CFAP54: variants seen among roughly 807,000 people sequenced by gnomAD.
CFAP54 encodes the protein cilia and flagella associated protein 54.
In CFAP54, 290 loss-of-function variants were observed where a neutral mutation model predicts 370.4. The observed-to-expected ratio is 0.78, with a 90% CI of 0.71 to 0.86. CFAP54 has a LOEUF of 0.86. Among genes scored for constraint, CFAP54 ranks in the 40% least tolerant of loss-of-function variants. The pLI is 0.00. For missense variants in CFAP54, 3,399 were observed against 3,528.7 expected (o/e 0.96, Z 0.93); for synonymous variants, 1,206 against 1,236.5 (o/e 0.98, Z 0.52).
At chr12:96,533,491 A>G (rs1346911307) in intron 9 of CFAP54, among the ~76,000 whole-genome samples, 2 of 152,140 alleles carry the variant, frequency 1.3e-5, no homozygotes, top group African/African-American at 4.8e-5. Context: ...CTCTTTCCCA[A>G]GTTTCCAACC....
intron 60 of CFAP54, among the ~76,000 whole-genome samples, chr12:96,771,136 A>G (rs1350882759): frequency 2.6e-5 from 4 of 152,206 alleles, no homozygotes; most frequent in African/African-American, 2.4e-5. Context: ...TGAGGACTTC[A>G]CTGGAGAGGA....
chr12:96,796,544 A>G (rs902267807), intron 63 of CFAP54, among the ~76,000 whole-genome samples: 1 of 152,200 alleles, frequency 6.6e-6, no homozygotes. Flanking sequence ...TCTTTAAGCA[A>G]TAGTACTAGT....
chr12:96,851,241 CTT>C (rs139046028), intron 66 of CFAP54, among the ~76,000 whole-genome samples: 2,311 of 152,178 alleles, frequency 0.015, 73 homozygotes, highest in African/African-American at 0.053. Flanking sequence ...TTTCACCTAA[CTT>C]AACATTTTAA....
intron 59 of CFAP54, 93 bp from the exon 60 acceptor site, chr12:96,764,984 T>G (rs1432644459): frequency 2.2e-5 from 22 of 979,850 alleles, no homozygotes; most frequent in Non-Finnish European, 3.0e-5. Flanking sequence ...AATATTATTT[T>G]ATGAATTCAC....
intron 19 of CFAP54, among the ~76,000 whole-genome samples, chr12:96,569,523 C>T (rs1016213664): frequency 5.3e-5 from 8 of 152,190 alleles, no homozygotes; most frequent in Non-Finnish European, 1.2e-4. Context: ...GACCCTCCTT[C>T]CTCTCTGGGG....
At chr12:96,742,166 C>G (rs989392630) in intron 51 of CFAP54, among the ~76,000 whole-genome samples, 1 of 152,152 alleles carries the variant, frequency 6.6e-6, no homozygotes, top group African/African-American at 2.4e-5. Context: ...GAAATTCACA[C>G]TGCAAAACTA....
intron 55 of CFAP54, among the ~76,000 whole-genome samples, chr12:96,744,860 C>T (rs182573846): frequency 6.6e-6 from 1 of 152,104 alleles, no homozygotes; most frequent in Non-Finnish European, 1.5e-5. Context: ...TGCTCTACCC[C>T]CCAGTAGGTC....
chr12:96,651,949 A>C, intron 36 of CFAP54, 134 bp downstream of exon 36: 1 of 642,982 alleles, frequency 1.6e-6, no homozygotes, highest in East Asian at 2.8e-5. Flanking sequence ...TTCTCATTAT[A>C]ATTTTGTTTA....
In CFAP54 at chr12:96,674,187, C is replaced by A. The variant is rs188137812; in HGVS notation, c.5564-5413C>A. Reference sequence around the variant, plus strand: ...GGTGTGTTTGATTAGTGCCTTTGGGCATTTGGATTGATGTGGCCTCGAGTG... The same window carrying A: ...GGTGTGTTTGATTAGTGCCTTTGGGAATTTGGATTGATGTGGCCTCGAGTG... On this transcript the variant is annotated intron_variant, in intron 39 of 67. Transcript: ENST00000524981. Among the ~76,000 whole-genome samples, 25 of 152,242 alleles carry A rather than the reference C, an allele frequency of 1.6e-4. No homozygotes were observed. In the East Asian group the frequency reaches 4.8e-3, roughly 29 times the overall value.
chr12:96,518,944 T>C lies in CFAP54; in HGVS notation c.815T>C (p.Leu272Pro). 1 of 1,535,554 alleles carries C rather than the reference T, an allele frequency of 6.5e-7. No homozygotes were observed. The highest frequency in any genetic ancestry group is 8.7e-7 in the Non-Finnish European group (1 of 1,146,514). The change falls in exon 6 of 68, where the codon CTG becomes CCG. Residue 272 changes from leucine to proline, a missense_variant. Physicochemically the swap from Leu to Pro is moderately conservative, Grantham distance 98 (BLOSUM62 -3). Coordinates refer to ENST00000524981, the MANE Select transcript of CFAP54 (RefSeq NM_001306084.2). ...GQSSKALEYL[L>P]WASMCMESLV... ...ATTTTGCAGGCCTTAGAGTATCTCC[T>C]GTGGGCCAGCATGTGTATGGAGTCC...
At chr12:96,563,952 C>A (rs1322340266) in intron 17 of CFAP54, among the ~76,000 whole-genome samples, 1 of 152,182 alleles carries the variant, frequency 6.6e-6, no homozygotes, top group Non-Finnish European at 1.5e-5. Flanking sequence ...CCAGTATCAA[C>A]AACTGGCAAG....
At chr12:96,666,864 G>A (rs1026768339) in intron 39 of CFAP54, among the ~76,000 whole-genome samples, 1 of 152,096 alleles carries the variant, frequency 6.6e-6, no homozygotes, top group African/African-American at 2.4e-5. Context: ...TAACTCAAAA[G>A]TCCACAGTCC....
At chr12:96,499,036 T>G (rs960660987) in intron 1 of CFAP54, among the ~76,000 whole-genome samples, 1 of 152,206 alleles carries the variant, frequency 6.6e-6, no homozygotes, top group African/African-American at 2.4e-5. Flanking sequence ...TGGAGTGCAG[T>G]GGCCTGATCT....
chr12:96,737,630 C>T (rs1957994602), intron 50 of CFAP54, among the ~76,000 whole-genome samples: 1 of 151,810 alleles, frequency 6.6e-6, no homozygotes, highest in Non-Finnish European at 1.5e-5. Context: ...GCTGGGATTA[C>T]AGGTGCCTGC....
rs138848817 is a variant in CFAP54 at position 96,619,696 on chromosome 12, G to C, written c.3640-1894G>C. The stretch of plus-strand genomic sequence containing the variant: ...CATATTAAAAGAAGGGGAAAAGATT[G>C]CCCAGTTATCTGTAAGCTTAGGACC... On this transcript the variant is annotated intron_variant, in intron 26 of 67. Coordinates refer to ENST00000524981, the MANE Select transcript of CFAP54 (RefSeq NM_001306084.2). Among the ~76,000 whole-genome samples the C allele has an allele frequency of 3.3e-3, 496 of 152,248 alleles. 4 individuals are homozygous for C. Among genetic ancestry groups the C allele is most frequent in the African/African-American group, 0.011 (470 of 41,544 alleles).
At chr12:96,595,681 AG>A (rs772050332) in intron 25 of CFAP54, among the ~76,000 whole-genome samples, 10 of 152,140 alleles carry the variant, frequency 6.6e-5, no homozygotes, top group Non-Finnish European at 1.5e-4. Flanking sequence ...ATCTGCCTCC[AG>A]AGTCTAAAAT....
intron 60 of CFAP54, among the ~76,000 whole-genome samples, chr12:96,769,943 T>C (rs998629701): frequency 2.6e-5 from 4 of 152,182 alleles, no homozygotes; most frequent in African/African-American, 9.7e-5. Context: ...CCTTCCAGCC[T>C]GAAAAGAAAT....
intron 15 of CFAP54, among the ~76,000 whole-genome samples, chr12:96,551,487 G>A (rs1227507162): frequency 6.4e-5 from 4 of 62,128 alleles, no homozygotes; most frequent in Non-Finnish European, 1.8e-4. Flanking sequence ...GAATGGGTAT[G>A]TGTGTGTGTG....
intron 46 of CFAP54, 54 bp downstream of exon 46, chr12:96,700,147 C>G: frequency 6.6e-7 from 1 of 1,525,034 alleles, no homozygotes; most frequent in Non-Finnish European, 8.9e-7. Flanking sequence ...GGATACATTC[C>G]TAAAATGTAA....
Sources: gnomAD v4.1 joint callset for allele counts (sites outside exome capture counted in the v4.1 genomes callset) on GRCh38, gnomAD v4.1.1 for gene constraint, MANE v1.5 for transcripts, NCBI Gene and HGNC (gene_info 2026-07-23, HGNC 2026-07-21) for gene names.